The following DNAH12 variants were observed in gnomAD, a reference collection of about 807,000 sequenced individuals.
DNAH12 encodes the protein axonemal beta dynein heavy chain 12.
In DNAH12, 285 loss-of-function variants were observed where a neutral mutation model predicts 371.5. The observed-to-expected ratio is 0.77, with a 90% confidence interval of 0.70 to 0.85. DNAH12 has a LOEUF of 0.85. DNAH12 is among the 40% of genes least tolerant of loss of function. The pLI, the probability that DNAH12 is intolerant of heterozygous loss-of-function variation, is 0.00. For synonymous variants in DNAH12, 1,200 were observed against 1,213.0 expected, an observed-to-expected ratio of 0.99 and a Z score of 0.22; for missense variants, 3,611 against 3,689.4, an observed-to-expected ratio of 0.98 and a Z score of 0.55.
Position 57,506,168 on chromosome 3 carries a change from G to C in DNAH12, c.897+1475C>G, listed in dbSNP as rs549156306. Among the ~76,000 whole-genome samples the C allele has an allele frequency of 4.6e-5, 7 of 152,274 alleles. 1 individual carries two copies. The South Asian group carries it at 1.5e-3, about 32-fold the overall frequency. ...CCAGAAGATCAAACAACATGGTAAAGACTGAAGGGAGGGGAGGTCTGACAG... is the reference window on the plus strand; with the variant it reads ...CCAGAAGATCAAACAACATGGTAAACACTGAAGGGAGGGGAGGTCTGACAG... On this transcript the variant is annotated intron_variant, in intron 8 of 73. Transcript: ENST00000495027.
intron 60 of DNAH12, among the ~76,000 whole-genome samples, chr3:57,335,471 T>C (rs782536730): frequency 7.2e-5 from 11 of 152,184 alleles, no homozygotes; most frequent in Non-Finnish European, 1.5e-4. Context: ...TTCTAAGAAG[T>C]GTGTTGTTAG....
chr3:57,432,621 A>G (rs979561886), intron 32 of DNAH12, among the ~76,000 whole-genome samples: 3 of 152,196 alleles, frequency 2.0e-5, no homozygotes, highest in African/African-American at 4.8e-5. Flanking sequence ...AAACTGAACT[A>G]CAGTAATATG....
chr3:57,436,495 A>G (rs2065129551), intron 30 of DNAH12, among the ~76,000 whole-genome samples: 1 of 152,138 alleles, frequency 6.6e-6, no homozygotes, highest in Admixed American at 6.5e-5. Context: ...TGCTCTGGTA[A>G]CCCTGTTCTG....
intron 17 of DNAH12, among the ~76,000 whole-genome samples, chr3:57,468,392 G>T (rs1050235358): frequency 6.6e-6 from 1 of 152,160 alleles, no homozygotes; most frequent in Non-Finnish European, 1.5e-5. Flanking sequence ...GGAGGCCAAG[G>T]TGGACAGACT....
chr3:57,338,927 C>T (rs1559567516), intron 60 of DNAH12, among the ~76,000 whole-genome samples: 3 of 152,064 alleles, frequency 2.0e-5, no homozygotes, highest in Non-Finnish European at 4.4e-5. Context: ...GCGGTTTTGT[C>T]GAAAAGAAAA....
At position 57,471,616 on chromosome 3, in the gene DNAH12, A is replaced by C. The variant is rs2066371364; in HGVS notation, c.1777-10T>G. ...TAGCATTCTCAATTAGCTTTTTAAA[A>C]GACAATTTGATCATGTTAGTTAATC... On this transcript the variant is annotated splice_polypyrimidine_tract_variant and intron_variant, in intron 14 of 73. Transcript: ENST00000495027. The C allele has an allele frequency of 4.6e-6, 7 of 1,524,014 alleles. No individual in the cohort carries two copies. Among genetic ancestry groups the C allele is most frequent in the Non-Finnish European group, 6.2e-6 (7 of 1,136,800 alleles). 94.4% of individuals were successfully genotyped at this position (1,524,014 alleles called of 1,614,324 possible).
At chr3:57,343,420 C>T (rs1200724839) in intron 60 of DNAH12, among the ~76,000 whole-genome samples, 1 of 152,200 alleles carries the variant, frequency 6.6e-6, no homozygotes, top group Non-Finnish European at 1.5e-5. Flanking sequence ...GCAGGACTTG[C>T]CTTGTTAACA....
At chr3:57,449,866 A>T (rs1201722430) in intron 25 of DNAH12, among the ~76,000 whole-genome samples, 1 of 152,304 alleles carries the variant, frequency 6.6e-6, no homozygotes, top group African/African-American at 2.4e-5. Flanking sequence ...AGGCGCCGAG[A>T]GCAAGCGAGG....
rs555195476 is a variant in DNAH12 at position 57,351,666 on chromosome 3, T to C, written c.9674+419A>G. On this transcript the variant is annotated intron_variant, in intron 60 of 73. Transcript: ENST00000495027. ...AGAAGCCAGATAAAAGAATAAAGAA[T>C]ACATATTACTTGCTTTCATTCATAT... 2.2e-4 allele frequency among the ~76,000 whole-genome samples: 34 copies of C among 152,316 alleles called. No individual in the cohort carries two copies. In the Middle Eastern group the frequency reaches 0.01, roughly 46 times the overall value.
chr3:57,341,056 AG>A (rs1553655930), intron 60 of DNAH12, among the ~76,000 whole-genome samples: 2 of 152,240 alleles, frequency 1.3e-5, no homozygotes, highest in African/African-American at 4.8e-5. Flanking sequence ...CAATAGATCC[AG>A]AAAAAGCGTT....
In DNAH12 at chr3:57,323,106, C is replaced by A; in HGVS notation, c.10284G>T (p.Val3428=). 1 of 1,552,436 alleles carries A rather than the reference C, an allele frequency of 6.4e-7. No homozygotes were observed. ...WVCLQNCHLA[V]SWMPMLEKIC... is the part of the protein sequence containing the mutation. Reference sequence around the variant, plus strand: ...TTTTTTCCAACATGGGCATCCAGGACACTGCAAGATGGCAATTCTGTAGGC... The same window carrying A: ...TTTTTTCCAACATGGGCATCCAGGAAACTGCAAGATGGCAATTCTGTAGGC... The change falls in exon 64 of 74, where the codon GTG becomes GTT. Residue 3428 remains valine, a synonymous_variant. Transcript: ENST00000495027.
chr3:57,467,179 C>A (rs1184872994), intron 17 of DNAH12, among the ~76,000 whole-genome samples: 1 of 151,738 alleles, frequency 6.6e-6, no homozygotes. Context: ...CATGCAGAGG[C>A]ATGATCTCGG....
intron 37 of DNAH12, among the ~76,000 whole-genome samples, chr3:57,416,284 G>GC (rs2064373830): frequency 6.6e-6 from 1 of 151,942 alleles, no homozygotes; most frequent in African/African-American, 2.4e-5. Context: ...AAGAGACAGG[G>GC]CCCGGCTATG....
intron 58 of DNAH12, among the ~76,000 whole-genome samples, chr3:57,361,381 TTATATATATACATACGCACTA>T (rs1424690100): frequency 2.1e-5 from 3 of 140,384 alleles, no homozygotes; most frequent in African/African-American, 8.0e-5. Flanking sequence ...ATACACACAC[TTATATATATACATACGCACTA>T]TATATATATA....
intron 46 of DNAH12, among the ~76,000 whole-genome samples, chr3:57,386,840 T>TA (rs2063508166): frequency 6.6e-6 from 1 of 152,174 alleles, no homozygotes; most frequent in Non-Finnish European, 1.5e-5. Flanking sequence ...TCCTATCTTT[T>TA]AAAAAACCAC....
chr3:57,549,318 C>G (rs992024591), upstream of DNAH12, among the ~76,000 whole-genome samples: 1 of 152,046 alleles, frequency 6.6e-6, no homozygotes, highest in Non-Finnish European at 1.5e-5. Context: ...GAGTTCGAGA[C>G]CAGCCTGGCC....
At chr3:57,344,706 A>C (rs746151662) in intron 60 of DNAH12, among the ~76,000 whole-genome samples, 3 of 152,200 alleles carry the variant, frequency 2.0e-5, no homozygotes, top group African/African-American at 4.8e-5. Flanking sequence ...GTTAAACACC[A>C]CATGTTCTCA....
chr3:57,393,491 T>C (rs1477689235), intron 44 of DNAH12, among the ~76,000 whole-genome samples: 55 of 151,580 alleles, frequency 3.6e-4, no homozygotes, highest in Non-Finnish European at 4.6e-4. Flanking sequence ...CTGGGCCTGG[T>C]GGCAGGCGCC....
chr3:57,433,261 C>G (rs2065010537), intron 32 of DNAH12, 106 bp downstream of exon 32: 1 of 1,304,462 alleles, frequency 7.7e-7, no homozygotes, highest in Non-Finnish European at 9.9e-7. Flanking sequence ...TTGCTGCATC[C>G]TTTATTTTTG....
Sources: allele counts gnomAD v4.1 joint callset (sites outside exome capture counted in the v4.1 genomes callset), GRCh38; gene constraint gnomAD v4.1.1; transcripts MANE v1.5; gene names NCBI Gene and HGNC (gene_info 2026-07-23, HGNC 2026-07-21).